DYM: variants seen among roughly 807,000 people sequenced by gnomAD.
DYM encodes the protein dymeclin.
Under a neutral mutation model 93.1 loss-of-function variants are expected in DYM, and 78 were observed. The observed-to-expected ratio is 0.84, with a 90% CI of 0.70 to 1.01. The LOEUF (loss-of-function observed/expected upper bound fraction) is 1.01. Among genes scored for constraint, DYM ranks in the 50% least tolerant of loss-of-function variants. DYM has a pLI of 0.00. For missense variants in DYM, 789 were observed against 845.0 expected, an observed-to-expected ratio of 0.93 and a Z score of 0.82; for synonymous variants, 321 against 319.7, an observed-to-expected ratio of 1.00 and a Z score of -0.04.
intron 13 of DYM, among the ~76,000 whole-genome samples, chr18:49,214,220 T>C (rs962970449): frequency 2.0e-5 from 3 of 152,198 alleles, no homozygotes; most frequent in Admixed American, 1.3e-4. Context: ...GGCAGTTGAA[T>C]GAGCAAAGCT....
intron 2 of DYM, among the ~76,000 whole-genome samples, chr18:49,428,300 A>C (rs2074486532): frequency 6.6e-6 from 1 of 151,938 alleles, no homozygotes; most frequent in Non-Finnish European, 1.5e-5. Flanking sequence ...AGGTAGAAGA[A>C]AAAAAAAGAA....
At chr18:49,392,538 C>G (rs945520969) in intron 2 of DYM, among the ~76,000 whole-genome samples, 1 of 151,826 alleles carries the variant, frequency 6.6e-6, no homozygotes, top group South Asian at 2.1e-4. Context: ...TAAAATGGAC[C>G]AACGACTTAA....
intron 17 of DYM, 62 bp downstream of exon 17, chr18:49,097,340 A>G (rs1489552677): frequency 6.8e-7 from 1 of 1,468,822 alleles, no homozygotes; most frequent in African/African-American, 1.4e-5. Context: ...GTCTGCTAAG[A>G]CACTAACATT....
intron 2 of DYM, among the ~76,000 whole-genome samples, chr18:49,418,635 C>A (rs914990500): frequency 3.3e-5 from 5 of 152,148 alleles, no homozygotes; most frequent in African/African-American, 1.2e-4. Flanking sequence ...CAAAAATGGA[C>A]TTTACTTGAA....
chr18:49,350,761 C>T (rs983778718), intron 6 of DYM, among the ~76,000 whole-genome samples: 20 of 147,316 alleles, frequency 1.4e-4, no homozygotes, highest in Non-Finnish European at 2.1e-4. Context: ...ACTTTTTATG[C>T]GGTATGCTAT....
chr18:49,121,212 G>A (rs1381622895), intron 15 of DYM, among the ~76,000 whole-genome samples: 1 of 152,174 alleles, frequency 6.6e-6, no homozygotes, highest in African/African-American at 2.4e-5. Flanking sequence ...GAGACAAATG[G>A]TAATGCTAGA....
intron 17 of DYM, among the ~76,000 whole-genome samples, chr18:49,071,480 T>C (rs979290037): frequency 6.6e-6 from 1 of 152,260 alleles, no homozygotes; most frequent in East Asian, 1.9e-4. Context: ...CTCCCCGTGA[T>C]GAACAGAGAA....
At chr18:49,385,546 T>C (rs1001102115) in intron 3 of DYM, among the ~76,000 whole-genome samples, 1 of 151,938 alleles carries the variant, frequency 6.6e-6, no homozygotes. Flanking sequence ...AAATACAAAA[T>C]TAGCTGGGTG....
At chr18:49,167,674 A>T (rs996665833) in intron 14 of DYM, among the ~76,000 whole-genome samples, 4 of 152,176 alleles carry the variant, frequency 2.6e-5, no homozygotes, top group Non-Finnish European at 5.9e-5. Flanking sequence ...TGCTAATCAG[A>T]ATAAGGAATA....
chr18:49,367,944 T>C (rs1057270348), intron 5 of DYM, among the ~76,000 whole-genome samples: 5 of 152,226 alleles, frequency 3.3e-5, no homozygotes, highest in Non-Finnish European at 5.9e-5. Context: ...GTCTATGTTT[T>C]TGCCACTTTA....
At chr18:49,245,198 G>A (rs970530669) in intron 13 of DYM, among the ~76,000 whole-genome samples, 11 of 152,120 alleles carry the variant, frequency 7.2e-5, no homozygotes, top group Non-Finnish European at 1.5e-4. Flanking sequence ...ATGTCACTTC[G>A]GGATTCTGTG....
At chr18:49,120,985 T>G (rs975792512) in intron 15 of DYM, among the ~76,000 whole-genome samples, 2 of 152,166 alleles carry the variant, frequency 1.3e-5, no homozygotes, top group Non-Finnish European at 2.9e-5. Context: ...AGCCTCTGCC[T>G]CTGTTTTCTT....
intron 8 of DYM, among the ~76,000 whole-genome samples, chr18:49,291,485 G>A (rs1010061837): frequency 1.3e-5 from 2 of 152,144 alleles, no homozygotes; most frequent in East Asian, 3.9e-4. Flanking sequence ...TGTTATGGGG[G>A]AAGGGGGGAA....
chr18:49,207,906 G>A (rs1423617504), intron 14 of DYM, among the ~76,000 whole-genome samples: 1 of 152,092 alleles, frequency 6.6e-6, no homozygotes, highest in African/African-American at 2.4e-5. Flanking sequence ...AGGTCGACCG[G>A]GTGTAGTGGC....
At chr18:49,447,919 T>C (rs2082231451) in intron 1 of DYM, among the ~76,000 whole-genome samples, 1 of 152,170 alleles carries the variant, frequency 6.6e-6, no homozygotes, top group African/African-American at 2.4e-5. Context: ...GAATCTCTCT[T>C]TCTCTGCCCT....
At position 49,448,071 on chromosome 18, in the gene DYM, T is replaced by C. The variant is rs117135818; in HGVS notation, c.-54+12327A>G. Among the ~76,000 whole-genome samples, 954 of 152,298 alleles carry C rather than the reference T, an allele frequency of 6.3e-3. 2 individuals are homozygous for C. Among genetic ancestry groups the C allele is most frequent in the Non-Finnish European group, 9.6e-3 (655 of 68,016 alleles). ...ACACTGTCAGTCCAATGAAACATCC[T>C]AGCCTCCCAATTCTCTTTCCTTTTT... On this transcript the variant is annotated intron_variant, in intron 1 of 17. Coordinates refer to ENST00000675505, the MANE Select transcript of DYM (RefSeq NM_001353214.3).
At position 49,336,931 on chromosome 18, in the gene DYM, T is replaced by G. The variant is rs191014355; in HGVS notation, c.495-3078A>C. Among the ~76,000 whole-genome samples the G allele has an allele frequency of 3.6e-3, 545 of 152,292 alleles. 1 individual carries two copies. Among genetic ancestry groups the G allele is most frequent in the African/African-American group, 0.012 (509 of 41,564 alleles). On this transcript the variant is annotated intron_variant, in intron 6 of 17. Coordinates refer to ENST00000675505, the MANE Select transcript of DYM (RefSeq NM_001353214.3). The stretch of plus-strand genomic sequence containing the variant: ...TATGAGTGGCAATTACTTACAAATC[T>G]TTCTTACTATAATATATGAGACTCT...
At chr18:49,158,069 C>T (rs1181869326) in intron 15 of DYM, among the ~76,000 whole-genome samples, 1 of 152,166 alleles carries the variant, frequency 6.6e-6, no homozygotes, top group Non-Finnish European at 1.5e-5. Flanking sequence ...AGAAGCATAA[C>T]ACCTGGAATG....
At chr18:49,265,422 G>A (rs1372887209) in intron 11 of DYM, among the ~76,000 whole-genome samples, 1 of 152,174 alleles carries the variant, frequency 6.6e-6, no homozygotes, top group Non-Finnish European at 1.5e-5. Flanking sequence ...GTGTGGGAGA[G>A]AAAATGAGAA....
Sources: allele counts gnomAD v4.1 joint callset (sites outside exome capture counted in the v4.1 genomes callset), GRCh38; gene constraint gnomAD v4.1.1; transcripts MANE v1.5; gene names NCBI Gene and HGNC (gene_info 2026-07-23, HGNC 2026-07-21).